PKHD1: variants seen among roughly 807,000 people sequenced by gnomAD.
PKHD1 encodes the protein PKHD1 ciliary IPT domain containing fibrocystin/polyductin.
Under a neutral mutation model 412.0 loss-of-function variants are expected in PKHD1, and 291 were observed. The observed-to-expected ratio is 0.71, with a 90% CI of 0.64 to 0.78. The LOEUF (loss-of-function observed/expected upper bound fraction) is 0.78. Among genes scored for constraint, PKHD1 ranks in the 30% least tolerant of loss-of-function variants. PKHD1 has a pLI of 0.00. For missense variants in PKHD1, 4,825 were observed against 4,950.7 expected (o/e 0.97, Z 0.76); for synonymous variants, 1,777 against 1,821.5 (o/e 0.98, Z 0.62).
chr6:51,711,786 T>C (rs1780688104), intron 60 of PKHD1, among the ~76,000 whole-genome samples: 2 of 152,220 alleles, frequency 1.3e-5, no homozygotes, highest in Non-Finnish European at 2.9e-5. Context: ...GAAAGAAATG[T>C]GTATTTTATT....
intron 61 of PKHD1, among the ~76,000 whole-genome samples, chr6:51,653,772 G>A (rs533609794): frequency 6.6e-6 from 1 of 152,000 alleles, no homozygotes. Context: ...GGTTTAACAG[G>A]GCACAAGGAC....
At chr6:51,853,630 C>T (rs1236964958) in intron 49 of PKHD1, among the ~76,000 whole-genome samples, 3 of 152,134 alleles carry the variant, frequency 2.0e-5, no homozygotes, top group Non-Finnish European at 4.4e-5. Context: ...CCTTTACATT[C>T]TTTTTTCTTG....
At chr6:51,909,206 A>C (rs542546099) in intron 40 of PKHD1, 77 bp downstream of exon 40, 1 of 1,069,274 alleles carries the variant, frequency 9.4e-7, no homozygotes, top group South Asian at 1.3e-5. Flanking sequence ...CATATCATCT[A>C]TCATTCCACC....
chr6:51,629,810 GT>G (rs1375294687), intron 65 of PKHD1, among the ~76,000 whole-genome samples: 1 of 152,060 alleles, frequency 6.6e-6, no homozygotes, highest in East Asian at 1.9e-4. Flanking sequence ...ATTCATACTT[GT>G]ATATTTGGCA....
intron 46 of PKHD1, among the ~76,000 whole-genome samples, chr6:51,872,418 T>G (rs1372251647): frequency 2.0e-5 from 3 of 151,472 alleles, no homozygotes; most frequent in Middle Eastern, 6.8e-3. Flanking sequence ...TTTTTTGGTT[T>G]TTTTTTTTGA....
At chr6:51,888,011 C>T (rs1583207691) in intron 43 of PKHD1, among the ~76,000 whole-genome samples, 1 of 152,300 alleles carries the variant, frequency 6.6e-6, no homozygotes, top group East Asian at 1.9e-4. Context: ...TATATGGTAG[C>T]TCTCCAAGGC....
intron 60 of PKHD1, among the ~76,000 whole-genome samples, chr6:51,689,226 A>G (rs1314693283): frequency 6.6e-6 from 1 of 152,226 alleles, no homozygotes; most frequent in African/African-American, 2.4e-5. Flanking sequence ...CATCACTTAA[A>G]CAGAACTGAA....
chr6:52,006,394 T>G (rs1799067050), intron 35 of PKHD1, among the ~76,000 whole-genome samples: 2 of 130,422 alleles, frequency 1.5e-5, no homozygotes, highest in South Asian at 4.9e-4. Context: ...TTGTTTGTTT[T>G]GAGATGGAGT....
chr6:51,772,676 A>T (rs777080830), intron 55 of PKHD1, 26 bp downstream of exon 55: 16 of 1,179,184 alleles, frequency 1.4e-5, no homozygotes, highest in Non-Finnish European at 1.7e-5. Context: ...ACCAAGAAAA[A>T]GCCCTAAGTT....
rs2661487 is a variant in PKHD1, at chr6:51,627,044, C to T, written c.11738G>A (p.Arg3913His). ...TTTTTTGGGCCCTTGTGATTCTCGG[C>T]GTTTGGATGAGATGTGGATATGAAT... ...QNIHIHISSKRRESQGPKKED... is the reference protein window; with the variant it reads ...QNIHIHISSKHRESQGPKKED... Residue 3913 changes from arginine to histidine, a missense_variant, in exon 66 of 67, where the codon CGC becomes CAC. Physicochemically the swap from Arg to His is conservative, Grantham distance 29. Transcript: ENST00000371117. 8.7e-4 allele frequency: 1,401 copies of T among 1,612,912 alleles called. 8 individuals are homozygous for T. The African/African-American group carries it at 0.016, about 19-fold the overall frequency.
At chr6:51,981,616 G>A (rs1795317839) in intron 35 of PKHD1, among the ~76,000 whole-genome samples, 1 of 106,830 alleles carries the variant, frequency 9.4e-6, no homozygotes, top group African/African-American at 2.6e-5. Flanking sequence ...CGTTCACTCA[G>A]TGCTCAGTGG....
intron 52 of PKHD1, among the ~76,000 whole-genome samples, chr6:51,816,836 C>T (rs1384222202): frequency 1.3e-5 from 2 of 152,184 alleles, no homozygotes; most frequent in Non-Finnish European, 2.9e-5. Context: ...CAGGAGGCTG[C>T]CCAATTTGCA....
intron 60 of PKHD1, among the ~76,000 whole-genome samples, chr6:51,707,447 C>T (rs1780140251): frequency 6.6e-6 from 1 of 152,120 alleles, no homozygotes; most frequent in Admixed American, 6.6e-5. Context: ...AACCCACATC[C>T]TCCCAATTTA....
chr6:51,989,881 AAAGGAAGGAAGGAAGGAGGGAGGAAGG>A (rs1562072028), intron 35 of PKHD1, among the ~76,000 whole-genome samples: 5 of 80,510 alleles, frequency 6.2e-5, no homozygotes, highest in Non-Finnish European at 1.2e-4. Context: ...ACAAGGGAGA[AAAGGAAGGAAGGAAGGAGGGAGGAAGG>A]AAGGAAGGAA....
At chr6:51,790,458 G>A (rs1452642809) in intron 53 of PKHD1, among the ~76,000 whole-genome samples, 2 of 152,078 alleles carry the variant, frequency 1.3e-5, no homozygotes, top group East Asian at 3.9e-4. Context: ...AGCAAGAGGA[G>A]CCTCATCTCC....
At chr6:52,072,920 CAGTGTGGATGATTTAATAGTAA>C (rs1810842422) in intron 7 of PKHD1, among the ~76,000 whole-genome samples, 2 of 152,268 alleles carry the variant, frequency 1.3e-5, no homozygotes, top group African/African-American at 4.8e-5. Context: ...TCTCTCTCTC[CAGTGTGGATGATTTAATAGTAA>C]CACTTTCCAC....
intron 52 of PKHD1, among the ~76,000 whole-genome samples, chr6:51,814,536 TCACTAGCTAAAAC>T (rs1240379373): frequency 6.6e-6 from 1 of 152,178 alleles, no homozygotes; most frequent in Non-Finnish European, 1.5e-5. Flanking sequence ...CACAAGCTGC[TCACTAGCTAAAAC>T]CACAGGAGGT....
At chr6:51,841,277 G>A (rs1770137185) in intron 50 of PKHD1, among the ~76,000 whole-genome samples, 1 of 152,224 alleles carries the variant, frequency 6.6e-6, no homozygotes, top group African/African-American at 2.4e-5. Context: ...CCTATGACCT[G>A]TGTGAATTAA....
chr6:51,720,850 G>A, intron 60 of PKHD1: 1 of 309,416 alleles, frequency 3.2e-6, no homozygotes, highest in Non-Finnish European at 4.7e-6. Context: ...CAGAGATTAT[G>A]TCATTTTGTA....
Sources: allele counts gnomAD v4.1 joint callset (sites outside exome capture counted in the v4.1 genomes callset), GRCh38; gene constraint gnomAD v4.1.1; transcripts MANE v1.5; gene names NCBI Gene and HGNC (gene_info 2026-07-23, HGNC 2026-07-21).